Variants in LDLRAD3 observed in about 807,000 individuals in gnomAD.
The protein encoded by LDLRAD3 is low density lipoprotein receptor class A domain containing 3.
A neutral mutation model predicts 29.4 loss-of-function variants in LDLRAD3; 20 were observed. The ratio of observed to expected loss-of-function variants is 0.68; its 90% CI spans 0.48 to 0.99. LDLRAD3 has a LOEUF of 0.99. LDLRAD3 is among the 50% of genes least tolerant of loss of function. The pLI is 0.00. For synonymous variants in LDLRAD3, 157 were observed against 192.7 expected (o/e 0.81, Z 1.53); for missense variants, 420 against 454.3 (o/e 0.92, Z 0.69).
At chr11:36,204,580 C>T (rs1352413441) in intron 4 of LDLRAD3, among the ~76,000 whole-genome samples, 4 of 151,822 alleles carry the variant, frequency 2.6e-5, no homozygotes, top group African/African-American at 7.3e-5. Flanking sequence ...CTCCACCTCC[C>T]GGGTTTAAGC....
intron 3 of LDLRAD3, among the ~76,000 whole-genome samples, chr11:36,089,687 A>G (rs1265942411): frequency 1.3e-5 from 2 of 152,068 alleles, no homozygotes; most frequent in African/African-American, 4.8e-5. Flanking sequence ...TGTACCTTAG[A>G]CACCTGGGTT....
At chr11:35,994,701 A>G (rs761685173) in intron 1 of LDLRAD3, among the ~76,000 whole-genome samples, 1 of 152,210 alleles carries the variant, frequency 6.6e-6, no homozygotes, top group Non-Finnish European at 1.5e-5. Context: ...GCGCAGAACA[A>G]CTTCTTTCAA....
intron 1 of LDLRAD3, among the ~76,000 whole-genome samples, chr11:36,005,466 A>G (rs1851872744): frequency 6.6e-6 from 1 of 152,218 alleles, no homozygotes; most frequent in South Asian, 2.1e-4. Context: ...AGACCACCTC[A>G]GCCCGGACTT....
intron 2 of LDLRAD3, among the ~76,000 whole-genome samples, chr11:36,070,564 T>C (rs968532223): frequency 3.3e-5 from 5 of 152,210 alleles, no homozygotes; most frequent in Non-Finnish European, 7.3e-5. Flanking sequence ...CCATGATTCT[T>C]GGAGCGGCAA....
intron 1 of LDLRAD3, among the ~76,000 whole-genome samples, chr11:36,019,168 T>G (rs1238127535): frequency 6.6e-6 from 1 of 152,154 alleles, no homozygotes; most frequent in Non-Finnish European, 1.5e-5. Flanking sequence ...CGGGGTAGAT[T>G]GTGATCTGAG....
chr11:36,054,454 G>C (rs142865121), intron 2 of LDLRAD3, among the ~76,000 whole-genome samples: 3 of 152,202 alleles, frequency 2.0e-5, no homozygotes, highest in African/African-American at 7.2e-5. Context: ...TAGAAGAGCA[G>C]CTCTTCTTGA....
At chr11:36,106,733 C>T (rs181956144) in intron 4 of LDLRAD3, among the ~76,000 whole-genome samples, 12 of 152,358 alleles carry the variant, frequency 7.9e-5, no homozygotes, top group Non-Finnish European at 1.5e-4. Context: ...CCTTCACACG[C>T]TCCACCTACC....
intron 2 of LDLRAD3, among the ~76,000 whole-genome samples, chr11:36,040,244 A>T (rs958032427): frequency 6.6e-6 from 1 of 152,140 alleles, no homozygotes; most frequent in African/African-American, 2.4e-5. Context: ...GATATGAGGC[A>T]GTGAGCAGCT....
intron 4 of LDLRAD3, among the ~76,000 whole-genome samples, chr11:36,133,117 T>C (rs1853949900): frequency 6.6e-6 from 1 of 152,214 alleles, no homozygotes; most frequent in South Asian, 2.1e-4. Context: ...TACTTAGCTC[T>C]CCTTTTGCAT....
intron 2 of LDLRAD3, 115 bp from the exon 3 acceptor site, chr11:36,081,538 G>A: frequency 7.3e-7 from 1 of 1,377,202 alleles, no homozygotes; most frequent in South Asian, 1.3e-5. Context: ...AAAGCTTCAA[G>A]GACTTTAAGA....
In LDLRAD3 at chr11:35,944,156, G is replaced by A; in HGVS notation, c.46+12G>A. The A allele has an allele frequency of 9.7e-7, 1 of 1,025,986 alleles. No individual in the cohort carries two copies. The highest frequency in any genetic ancestry group is 1.2e-6 in the Non-Finnish European group (1 of 858,032). 63.6% of individuals were successfully genotyped at this position (1,025,986 alleles called of 1,614,324 possible). A position where few individuals can be genotyped will look rare whatever the true frequency, so the allele number is the denominator to read the frequency against. On this transcript the variant is annotated intron_variant, in intron 1 of 5. Coordinates refer to ENST00000315571, the MANE Select transcript of LDLRAD3 (RefSeq NM_174902.4). This position sits in a 1 kb window ranked among gnomAD's most constrained non-coding sequence, Gnocchi z 4.9. ...GAGCAGCGCCGCGGGTGAGTCGGGG[G>A]GCGGCCGGCGAACTTCCCGCGGGGC...
At chr11:36,196,002 T>A (rs1855026905) in intron 4 of LDLRAD3, among the ~76,000 whole-genome samples, 1 of 150,710 alleles carries the variant, frequency 6.6e-6, no homozygotes, top group African/African-American at 2.4e-5. Flanking sequence ...CATCCCAACT[T>A]TTTGCCAAAA....
intron 4 of LDLRAD3, among the ~76,000 whole-genome samples, chr11:36,163,083 A>G (rs1253513850): frequency 6.6e-6 from 1 of 152,226 alleles, no homozygotes; most frequent in African/African-American, 2.4e-5. Flanking sequence ...CTAGGGGCTA[A>G]AAGTGGGAGC....
At chr11:36,036,578 C>A (rs2133210527) in intron 2 of LDLRAD3, among the ~76,000 whole-genome samples, 1 of 152,264 alleles carries the variant, frequency 6.6e-6, no homozygotes, top group Admixed American at 6.5e-5. Context: ...TATGTGGCTG[C>A]AGCATCTTAA....
At chr11:36,063,498 T>C (rs928421357) in intron 2 of LDLRAD3, among the ~76,000 whole-genome samples, 2 of 152,252 alleles carry the variant, frequency 1.3e-5, no homozygotes, top group Non-Finnish European at 2.9e-5. Context: ...TATAATGGAA[T>C]CATACAGTAT....
intron 4 of LDLRAD3, among the ~76,000 whole-genome samples, chr11:36,111,542 T>G (rs1290948780): frequency 1.3e-5 from 2 of 152,142 alleles, no homozygotes; most frequent in Non-Finnish European, 2.9e-5. Context: ...TCTTTCTTGT[T>G]TCCACCTTGT....
At chr11:36,010,396 T>C (rs1851939976) in intron 1 of LDLRAD3, among the ~76,000 whole-genome samples, 1 of 152,202 alleles carries the variant, frequency 6.6e-6, no homozygotes, top group Admixed American at 6.5e-5. Flanking sequence ...TTGGAATTAG[T>C]GAAGATAGAC....
At chr11:36,069,432 C>T (rs189665929) in intron 2 of LDLRAD3, among the ~76,000 whole-genome samples, 32 of 152,294 alleles carry the variant, frequency 2.1e-4, no homozygotes, top group East Asian at 9.6e-4. Flanking sequence ...AACATCAGAT[C>T]GACCGCTTTT....
chr11:36,034,558 C>T (rs931435204), intron 1 of LDLRAD3, among the ~76,000 whole-genome samples: 32 of 152,276 alleles, frequency 2.1e-4, no homozygotes, highest in African/African-American at 6.0e-4. Flanking sequence ...CGTGCATGTG[C>T]GTTATTAATT....
Sources: allele counts gnomAD v4.1 joint callset (sites outside exome capture counted in the v4.1 genomes callset), GRCh38; gene constraint gnomAD v4.1.1; non-coding constraint Gnocchi (gnomAD v3.1); transcripts MANE v1.5; gene names NCBI Gene and HGNC (gene_info 2026-07-23, HGNC 2026-07-21).